Variants in RBM41 observed in about 807,000 individuals in gnomAD.
The protein encoded by RBM41 is RNA-binding protein 41.
RBM41 carries 14 observed loss-of-function variants against 30.8 expected under a neutral mutation model. The observed-to-expected ratio is 0.45, with a 90% CI of 0.30 to 0.71. The LOEUF is 0.71. RBM41 is among the 30% of genes least tolerant of loss of function. RBM41 has a pLI of 0.08. For synonymous variants in RBM41, 120 were observed against 110.1 expected (o/e 1.09, Z -0.56); for missense variants, 276 against 326.3 (o/e 0.85, Z 1.19).
the RBM41 span, among the ~76,000 whole-genome samples, chrX:107,052,923 G>C: frequency 5.4e-5 from 6 of 111,905 alleles, no homozygotes; most frequent in East Asian, 1.7e-3. Flanking sequence ...CATAATAACA[G>C]CATTCTTCTC....
rs956189751 is a variant in RBM41 at position 107,066,832 on chromosome X, ATTAGACAC to A, written c.*687_*694del. The stretch of plus-strand genomic sequence containing the variant: ...TTCATATGCCTAATATTTAACATAT[ATTAGACAC>A]TTAATCAATGTTTATTGCTATGAAT... On this transcript the variant is annotated 3_prime_UTR_variant, in exon 8 of 8. Coordinates refer to ENST00000685964, the MANE Select transcript of RBM41 (RefSeq NM_001324242.2). 4 of 735,471 alleles carry A rather than the reference ATTAGACAC, an allele frequency of 5.4e-6. No homozygotes were observed. The African/African-American group carries it at 9.3e-5, about 17-fold the overall frequency. The allele number at this position is 735,471 out of a possible 1,213,427, so 60.6% of individuals were successfully genotyped here.
In RBM41 at chrX:107,099,216, A is replaced by G. The variant is rs1222344136; in HGVS notation, c.596-10377T>C. 2.7e-5 allele frequency among the ~76,000 whole-genome samples: 3 copies of G among 111,594 alleles called. 1 individual carries two copies. The highest frequency in any genetic ancestry group is 9.8e-5 in the African/African-American group (3 of 30,692). On this transcript the variant is annotated intron_variant, in intron 5 of 7. Transcript: ENST00000685964. ...ATAAAAAGACTGGTACAAATTTATA[A>G]GAAAATGCACCTATGATTAGAGAAA...
chrX:107,085,502 A>C (rs2147944248), intron 6 of RBM41, among the ~76,000 whole-genome samples: 1 of 111,062 alleles, frequency 9.0e-6, no homozygotes, highest in South Asian at 3.8e-4. Flanking sequence ...TCCTGACCTC[A>C]GGTGATCTGC....
At chrX:107,083,689 C>T (rs1417872892) in intron 6 of RBM41, among the ~76,000 whole-genome samples, 1 of 110,881 alleles carries the variant, frequency 9.0e-6, no homozygotes, top group Non-Finnish European at 1.9e-5. Flanking sequence ...ACTGATGAGC[C>T]TATCAAAGGC....
At chrX:107,072,954 AACCAGACCCCCATCTCTCAT>A (rs1936114793) in intron 6 of RBM41, among the ~76,000 whole-genome samples, 2 of 111,063 alleles carry the variant, frequency 1.8e-5, no homozygotes, top group African/African-American at 6.5e-5. Flanking sequence ...TGAAGAATGA[AACCAGACCCCCATCTCTCAT>A]CCTATACAAA....
intron 5 of RBM41, among the ~76,000 whole-genome samples, chrX:107,107,936 A>G (rs934873329): frequency 3.6e-5 from 4 of 111,555 alleles, no homozygotes; most frequent in Admixed American, 2.9e-4. Flanking sequence ...CAGAGGAAAT[A>G]TATTTCTAGA....
At chrX:107,059,863 T>A (rs1438767984), downstream of RBM41, among the ~76,000 whole-genome samples, 1 of 112,090 alleles carries the variant, frequency 8.9e-6, no homozygotes, top group East Asian at 2.8e-4. Flanking sequence ...TCAGTTTTTA[T>A]ATCTGACATT....
downstream of RBM41, among the ~76,000 whole-genome samples, chrX:107,059,942 A>G (rs1180474432): frequency 9.0e-6 from 1 of 111,131 alleles, no homozygotes; most frequent in East Asian, 2.8e-4. Flanking sequence ...TCATTTCCCA[A>G]TAAAAGGAAG....
At chrX:107,058,293 C>CAAAAA (rs201428990), downstream of RBM41, among the ~76,000 whole-genome samples, 17 of 45,690 alleles carry the variant, frequency 3.7e-4, no homozygotes, top group Non-Finnish European at 6.1e-4. Flanking sequence ...AACTCCGTCT[C>CAAAAA]AAAAAAAAAA....
chrX:107,068,100 G>C (rs1935910847), intron 7 of RBM41, among the ~76,000 whole-genome samples: 1 of 111,504 alleles, frequency 9.0e-6, no homozygotes, highest in Non-Finnish European at 1.9e-5. Context: ...AGGGCACTTT[G>C]CCACTTTTTT....
intron 7 of RBM41, 44 bp downstream of exon 7, chrX:107,069,211 G>T: frequency 9.1e-7 from 1 of 1,103,215 alleles, no homozygotes; most frequent in Non-Finnish European, 1.2e-6. Context: ...AATCTCTAGC[G>T]AACTGAGGGG....
At chrX:107,077,321 T>C (rs754247268) in intron 6 of RBM41, among the ~76,000 whole-genome samples, 40 of 111,204 alleles carry the variant, frequency 3.6e-4, no homozygotes, top group African/African-American at 1.3e-3. Context: ...TTAGTAGAAA[T>C]GGGGTTTCAC....
In RBM41 at chrX:107,062,254, G is replaced by C. The variant is rs753600308; in HGVS notation, c.*5273C>G. On this transcript the variant is annotated 3_prime_UTR_variant, in exon 8 of 8. Coordinates refer to ENST00000685964, the MANE Select transcript of RBM41 (RefSeq NM_001324242.2). ...ATGTGTATTTCATTAGTTTATTGCT[G>C]AGTAGGATTCCATTGCATGGATATA... is the stretch of plus-strand genomic sequence containing the variant. Among the ~76,000 whole-genome samples, 23 of 111,856 alleles carry C rather than the reference G, an allele frequency of 2.1e-4. No homozygotes were observed. The highest frequency in any genetic ancestry group is 5.8e-4 in the African/African-American group (18 of 30,822).
At chrX:107,083,028 C>G (rs958343372) in intron 6 of RBM41, among the ~76,000 whole-genome samples, 1 of 110,732 alleles carries the variant, frequency 9.0e-6, no homozygotes, top group African/African-American at 3.3e-5. Flanking sequence ...GAGTTTCTGA[C>G]CTATATAATT....
Position 107,067,021 on chromosome X carries a change from A to C in RBM41, c.*506T>G, listed in dbSNP as rs747564443. The C allele has an allele frequency of 1.6e-3, 1,214 of 747,111 alleles. 3 individuals carry two copies. The highest frequency in any genetic ancestry group is 1.9e-3 in the Non-Finnish European group (1,191 of 634,596). The allele number at this position is 747,111 out of a possible 1,213,427, so 61.6% of individuals were successfully genotyped here. The stretch of plus-strand genomic sequence containing the variant: ...AGTCAACTGACTTATGAAACTACCT[A>C]CTATTACTGCTGATAGTTCTGACTT... On this transcript the variant is annotated 3_prime_UTR_variant, in exon 8 of 8. Transcript: ENST00000685964.
rs931770090 is a variant in RBM41, at chrX:107,067,015, CTACCTACTAT to C, written c.*502_*511del. The C allele has an allele frequency of 2.7e-6, 2 of 746,607 alleles. No individual in the cohort carries two copies. The highest frequency in any genetic ancestry group is 3.2e-6 in the Non-Finnish European group (2 of 634,050). 61.5% of individuals were successfully genotyped at this position (746,607 alleles called of 1,213,427 possible). A position where few individuals can be genotyped will look rare whatever the true frequency, so the allele number is the denominator to read the frequency against. ...TAAATAAGTCAACTGACTTATGAAA[CTACCTACTAT>C]TACTGCTGATAGTTCTGACTTAATA... is the stretch of plus-strand genomic sequence containing the variant. On this transcript the variant is annotated 3_prime_UTR_variant, in exon 8 of 8. Coordinates refer to ENST00000685964, the MANE Select transcript of RBM41 (RefSeq NM_001324242.2).
chrX:107,101,822 C>A (rs995168531), intron 5 of RBM41, among the ~76,000 whole-genome samples: 2 of 112,038 alleles, frequency 1.8e-5, no homozygotes, highest in Non-Finnish European at 3.8e-5. Flanking sequence ...TAAGATGCTG[C>A]TTTAACAAAT....
At chrX:107,053,330 A>T in the RBM41 span, among the ~76,000 whole-genome samples, 1 of 113,408 alleles carries the variant, frequency 8.8e-6, no homozygotes, top group Non-Finnish European at 1.9e-5. Flanking sequence ...CAGACAAAAA[A>T]TATTCCTGAG....
At chrX:107,102,100 T>G (rs888684180) in intron 5 of RBM41, among the ~76,000 whole-genome samples, 1 of 111,639 alleles carries the variant, frequency 9.0e-6, no homozygotes, top group African/African-American at 3.3e-5. Flanking sequence ...AAGGTACTTC[T>G]GGCAAGGCCT....
Sources: gnomAD v4.1 joint callset for allele counts (sites outside exome capture counted in the v4.1 genomes callset) on GRCh38, gnomAD v4.1.1 for gene constraint, MANE v1.5 for transcripts, NCBI Gene and HGNC (gene_info 2026-07-23, HGNC 2026-07-21) for gene names.